Variants in SCPEP1 observed in about 807,000 individuals in gnomAD.
SCPEP1 encodes retinoid-inducible serine carboxypeptidase.
Under a neutral mutation model 63.8 loss-of-function variants are expected in SCPEP1, and 51 were observed. The observed-to-expected ratio is 0.80, with a 90% CI of 0.64 to 1.01. The LOEUF (loss-of-function observed/expected upper bound fraction) is 1.01, where lower values mean the gene tolerates loss of function less well. Ranked by LOEUF, SCPEP1 falls within the 50% of genes least tolerant of loss-of-function variation. The pLI is 0.00. For synonymous variants in SCPEP1, 204 were observed against 207.8 expected (o/e 0.98, Z 0.16); for missense variants, 499 against 554.9 (o/e 0.90, Z 1.01).
At chr17:56,995,845 G>C (rs1306734719) in intron 8 of SCPEP1, 1 of 325,938 alleles carries the variant, frequency 3.1e-6, no homozygotes, top group African/African-American at 2.2e-5. Context: ...TGCAAGACTT[G>C]CTTGTCCTTC....
chr17:57,001,906 G>A, intron 11 of SCPEP1, 112 bp from the exon 12 acceptor site: 1 of 1,081,062 alleles, frequency 9.3e-7, no homozygotes, highest in Non-Finnish European at 1.3e-6. Context: ...AAGATCCTGA[G>A]TGAGTTTCAT....
In SCPEP1 at chr17:57,002,018, G is replaced by A. The variant is rs1234968110; in HGVS notation, c.1133G>A (p.Gly378Asp). Reference sequence around the variant, plus strand: ...CCTTTCTCTTTGTCCTTCTCACCAGGTCAGGAGGCCTGGGTGCGGAAACTG... The same window carrying A: ...CCTTTCTCTTTGTCCTTCTCACCAGATCAGGAGGCCTGGGTGCGGAAACTG... ...GQLDLIVDTM[G>D]QEAWVRKLKW... Residue 378 changes from glycine (G) to aspartate (D), a missense_variant and splice_region_variant, in exon 12 of 13, where the codon GGT becomes GAT. Transcript: ENST00000262288. 1 of 1,613,498 alleles carries A rather than the reference G, an allele frequency of 6.2e-7. No homozygotes were observed. Among genetic ancestry groups the A allele is most frequent in the Admixed American group, 1.7e-5 (1 of 59,842 alleles).
intron 3 of SCPEP1, among the ~76,000 whole-genome samples, chr17:56,986,873 T>G (rs1911238087): frequency 6.6e-6 from 1 of 152,240 alleles, no homozygotes; most frequent in Non-Finnish European, 1.5e-5. Context: ...CTTCCTACTC[T>G]TGCCTCAGGG....
intron 12 of SCPEP1, among the ~76,000 whole-genome samples, chr17:57,003,754 G>A (rs951528975): frequency 1.3e-5 from 2 of 152,192 alleles, no homozygotes; most frequent in Admixed American, 6.5e-5. Context: ...TGCTTACACC[G>A]ATGTCCTTGG....
intron 3 of SCPEP1, among the ~76,000 whole-genome samples, chr17:56,986,428 C>T (rs1159983601): frequency 1.3e-5 from 2 of 152,112 alleles, no homozygotes; most frequent in African/African-American, 2.4e-5. Context: ...CCATGCTGGT[C>T]AGGCTGGTCT....
chr17:56,998,286 G>A, intron 9 of SCPEP1, 99 bp from the exon 10 acceptor site: 1 of 775,768 alleles, frequency 1.3e-6, no homozygotes, highest in Non-Finnish European at 2.1e-6. Context: ...ACTCCAGCCT[G>A]GAGACAGAGA....
In SCPEP1 at chr17:56,998,470, A is replaced by G; in HGVS notation, c.966A>G (p.Lys322=). 6.2e-7 allele frequency: 1 copy of G among 1,613,890 alleles called. No homozygotes were observed. The highest frequency in any genetic ancestry group is 1.7e-4 in the Middle Eastern group (1 of 6,060). The change falls in exon 10 of 13, where the codon AAA becomes AAG. Residue 322 remains lysine, a synonymous_variant. Coordinates refer to ENST00000262288, the MANE Select transcript of SCPEP1 (RefSeq NM_021626.3). ...LMNGPIRKKL[K]IIPEDQSWGG... ...ATGGCCCCATCAGAAAGAAGCTCAAAATTATTCCTGAGGATCAATCCTGGG... is the reference window on the plus strand; with the variant it reads ...ATGGCCCCATCAGAAAGAAGCTCAAGATTATTCCTGAGGATCAATCCTGGG...
intron 1 of SCPEP1, 110 bp downstream of exon 1, chr17:56,978,345 T>TA (rs777840887): frequency 2.1e-5 from 27 of 1,289,254 alleles, no homozygotes; most frequent in Non-Finnish European, 2.2e-5. Context: ...CCCCGGTTCT[T>TA]ACCTTGTGTA....
At chr17:56,999,757 C>G (rs565606396) in intron 10 of SCPEP1, among the ~76,000 whole-genome samples, 2 of 151,928 alleles carry the variant, frequency 1.3e-5, no homozygotes, top group Non-Finnish European at 2.9e-5. Flanking sequence ...CCAAGGTGGG[C>G]GGATCACCTG....
intron 6 of SCPEP1, among the ~76,000 whole-genome samples, chr17:56,993,530 G>T (rs528582078): frequency 6.6e-6 from 1 of 152,234 alleles, no homozygotes; most frequent in South Asian, 2.1e-4. Context: ...TGCAACCTCC[G>T]CCTCCCAGGT....
intron 3 of SCPEP1, 111 bp from the exon 4 acceptor site, chr17:56,987,584 C>T (rs1015072094): frequency 3.5e-5 from 33 of 939,264 alleles, no homozygotes; most frequent in Admixed American, 3.4e-4. Flanking sequence ...ATCATCACCA[C>T]GCTGGTATCC....
In SCPEP1 at chr17:56,981,209, G is replaced by T. The variant is rs766682712; in HGVS notation, c.204G>T (p.Leu68=). 4.3e-6 allele frequency: 7 copies of T among 1,614,062 alleles called. No homozygotes were observed. Among genetic ancestry groups the T allele is most frequent in the South Asian group, 1.1e-5 (1 of 91,088 alleles). The change falls in exon 2 of 13, where the codon CTG becomes CTT. Residue 68 remains leucine, a synonymous_variant. Coordinates refer to ENST00000262288, the MANE Select transcript of SCPEP1 (RefSeq NM_021626.3). The part of the protein sequence containing the change: ...ATNSCKNFSE[L]PLVMWLQGGP... ...ACTCCTGCAAGAACTTCTCAGAACT[G>T]CCCCTGGTCATGTGGCTTCAGGTAA...
intron 6 of SCPEP1, chr17:56,994,769 A>T: frequency 2.1e-6 from 1 of 477,864 alleles, no homozygotes; most frequent in Non-Finnish European, 3.9e-6. Flanking sequence ...AAGAGTCAAC[A>T]GAAAGGCCCC....
At chr17:56,978,273 C>T (rs1422476314) in intron 1 of SCPEP1, 38 bp downstream of exon 1, 6 of 1,504,896 alleles carry the variant, frequency 4.0e-6, no homozygotes, top group Non-Finnish European at 5.3e-6. Context: ...TGCCATGCCT[C>T]TTTTTTCTCC....
intron 8 of SCPEP1, chr17:56,995,849 G>T: frequency 6.9e-6 from 2 of 290,010 alleles, no homozygotes; most frequent in Non-Finnish European, 1.2e-5. Context: ...AGACTTGCTT[G>T]TCCTTCACTA....
intron 6 of SCPEP1, 151 bp downstream of exon 6, chr17:56,991,322 C>G (rs1911392402): frequency 1.4e-6 from 1 of 701,744 alleles, no homozygotes; most frequent in Non-Finnish European, 2.6e-6. Flanking sequence ...AATATAGAGA[C>G]AGAGTGCCTA....
intron 6 of SCPEP1, among the ~76,000 whole-genome samples, chr17:56,994,623 A>T (rs1213774096): frequency 1.3e-5 from 2 of 152,220 alleles, no homozygotes; most frequent in African/African-American, 4.8e-5. Flanking sequence ...AAATATTTTA[A>T]GCTGTCAAAA....
chr17:56,996,126 A>G lies in SCPEP1; in HGVS notation c.786+491A>G, dbSNP rs1369312305. The stretch of plus-strand genomic sequence containing the variant: ...ATGAGATGCTCACCACTCCAGGGAG[A>G]GTGGGCTGACACAGCTGGTTTCTGA... On this transcript the variant is annotated intron_variant, in intron 8 of 12. Coordinates refer to ENST00000262288, the MANE Select transcript of SCPEP1 (RefSeq NM_021626.3). Among the ~76,000 whole-genome samples the G allele has an allele frequency of 3.3e-5, 5 of 152,166 alleles. No homozygotes were observed. In the East Asian group the frequency reaches 9.7e-4, roughly 29 times the overall value.
At chr17:56,990,992 G>A in intron 5 of SCPEP1, 107 bp from the exon 6 acceptor site, 3 of 845,386 alleles carry the variant, frequency 3.5e-6, no homozygotes, top group South Asian at 1.3e-5. Flanking sequence ...GGCTGGTCTT[G>A]TATTCCTAGG....
Sources: allele counts gnomAD v4.1 joint callset (sites outside exome capture counted in the v4.1 genomes callset), GRCh38; gene constraint gnomAD v4.1.1; transcripts MANE v1.5; gene names NCBI Gene and HGNC (gene_info 2026-07-23, HGNC 2026-07-21).